KCNH8: variants seen among roughly 807,000 people sequenced by gnomAD.
KCNH8 encodes the protein potassium voltage-gated channel subfamily H member 8.
A neutral mutation model predicts 103.6 loss-of-function variants in KCNH8; 70 were observed. The observed-to-expected ratio is 0.68, with a 90% confidence interval of 0.56 to 0.82. KCNH8 has a LOEUF of 0.82. Ranked by LOEUF, KCNH8 falls within the 40% of genes least tolerant of loss-of-function variation. KCNH8 has a pLI of 0.00. For missense variants in KCNH8, 1,217 were observed against 1,329.9 expected (o/e 0.92, Z 1.32); for synonymous variants, 498 against 489.4 (o/e 1.02, Z -0.23).
chr3:19,504,966 GATATAT>G (rs147882746), intron 11 of KCNH8, among the ~76,000 whole-genome samples: 1 of 146,126 alleles, frequency 6.8e-6, no homozygotes, highest in Admixed American at 6.9e-5. Flanking sequence ...GAAAATGTGA[GATATAT>G]ATATATATAT....
intron 3 of KCNH8, among the ~76,000 whole-genome samples, chr3:19,311,461 G>A (rs1241371173): frequency 6.6e-6 from 1 of 150,886 alleles, no homozygotes; most frequent in Admixed American, 6.6e-5. Context: ...CCTTTTATTT[G>A]ACTTTTTTGC....
At chr3:19,211,781 G>A (rs1392092385) in intron 1 of KCNH8, among the ~76,000 whole-genome samples, 1 of 152,090 alleles carries the variant, frequency 6.6e-6, no homozygotes, top group African/African-American at 2.4e-5. Context: ...CTTATGGAAA[G>A]TCATGCTGGA....
At chr3:19,308,477 A>T (rs2065158822) in intron 3 of KCNH8, among the ~76,000 whole-genome samples, 1 of 151,932 alleles carries the variant, frequency 6.6e-6, no homozygotes, top group African/African-American at 2.4e-5. Flanking sequence ...CCATTCAAAA[A>T]AATAAAACTT....
At chr3:19,424,656 C>T (rs527555493) in intron 7 of KCNH8, among the ~76,000 whole-genome samples, 200 of 152,094 alleles carry the variant, frequency 1.3e-3, no homozygotes, top group African/African-American at 4.6e-3. Flanking sequence ...GAAGAGTAAA[C>T]CGATGACCCA....
Position 19,178,178 on chromosome 3 carries a change from TA to T in KCNH8, c.76+29393del, listed in dbSNP as rs559123028. Among the ~76,000 whole-genome samples, 22 of 151,106 alleles carry T rather than the reference TA, an allele frequency of 1.5e-4. 1 individual carries two copies. The South Asian group carries it at 1.9e-3, about 13-fold the overall frequency. On this transcript the variant is annotated intron_variant, in intron 1 of 15. Coordinates refer to ENST00000328405, the MANE Select transcript of KCNH8 (RefSeq NM_144633.3). ...AGATTTAGAATTGAGGCTTCTGAAA[TA>T]AAAAAAAAATTACTTATTTGTATTA... is the stretch of plus-strand genomic sequence containing the variant.
chr3:19,393,708 G>A (rs1374459779), intron 6 of KCNH8, among the ~76,000 whole-genome samples: 1 of 151,986 alleles, frequency 6.6e-6, no homozygotes, highest in Non-Finnish European at 1.5e-5. Context: ...TGAGAACTTA[G>A]CTATAAAGGA....
chr3:19,308,707 T>C lies in KCNH8; in HGVS notation c.442+27378T>C, dbSNP rs28670134. 1.6e-3 allele frequency among the ~76,000 whole-genome samples: 99 copies of C among 62,892 alleles called. 5 individuals are homozygous for C. The highest frequency in any genetic ancestry group is 3.7e-3 in the African/African-American group (42 of 11,212). 41.3% of individuals were successfully genotyped at this position (62,892 alleles called of 152,430 possible). A position where few individuals can be genotyped will look rare whatever the true frequency, so the allele number is the denominator to read the frequency against. On this transcript the variant is annotated intron_variant, in intron 3 of 15. Coordinates refer to ENST00000328405, the MANE Select transcript of KCNH8 (RefSeq NM_144633.3). ...CTCTCTCTCTCTCTCTCTCTCTCTC[T>C]CTCTCTCTCTCCCCCTCTCTCCCTC...
chr3:19,281,241 T>C lies in KCNH8; in HGVS notation c.354T>C (p.Asn118=), dbSNP rs769397768. The change falls in exon 3 of 16, where the codon AAT becomes AAC. Residue 118 remains asparagine, a synonymous_variant. Transcript: ENST00000328405. ...TACTGGATATTGTTCCCATAAAGAA[T>C]GAAAAAGGAGATGTAGTACTTTTTC... The part of the protein sequence containing the change: ...WCLLDIVPIK[N]EKGDVVLFLA... The C allele has an allele frequency of 2.5e-6, 4 of 1,611,212 alleles. No homozygotes were observed. Among genetic ancestry groups the C allele is most frequent in the Non-Finnish European group, 3.4e-6 (4 of 1,178,236 alleles).
chr3:19,456,433 AT>A (rs890323124), intron 10 of KCNH8, among the ~76,000 whole-genome samples: 9 of 152,088 alleles, frequency 5.9e-5, no homozygotes, highest in African/African-American at 1.9e-4. Context: ...ACAATAAAAA[AT>A]TTAAAAGTTA....
intron 1 of KCNH8, among the ~76,000 whole-genome samples, chr3:19,170,369 A>G (rs2063328798): frequency 6.6e-6 from 1 of 152,004 alleles, no homozygotes; most frequent in Non-Finnish European, 1.5e-5. Context: ...ACTTCAACTG[A>G]ATGTTCATTG....
At chr3:19,224,314 T>G (rs1438435262) in intron 1 of KCNH8, among the ~76,000 whole-genome samples, 1 of 152,152 alleles carries the variant, frequency 6.6e-6, no homozygotes, top group African/African-American at 2.4e-5. Flanking sequence ...TTTGGAGCAC[T>G]TGAAAATGTA....
intron 11 of KCNH8, among the ~76,000 whole-genome samples, chr3:19,498,359 G>C (rs903557731): frequency 6.6e-6 from 1 of 152,100 alleles, no homozygotes. Context: ...GTGTGTTTTT[G>C]TAGTGGCTGG....
chr3:19,237,036 T>G (rs1489724293), intron 1 of KCNH8, among the ~76,000 whole-genome samples: 5 of 152,228 alleles, frequency 3.3e-5, no homozygotes, highest in African/African-American at 1.2e-4. Context: ...GTAAATACAG[T>G]TCTTATGGCC....
chr3:19,475,969 G>GT (rs1299416708), intron 11 of KCNH8, among the ~76,000 whole-genome samples: 1 of 152,116 alleles, frequency 6.6e-6, no homozygotes, highest in Admixed American at 6.6e-5. Flanking sequence ...CAATACTGTA[G>GT]TATAAGAAGA....
intron 1 of KCNH8, among the ~76,000 whole-genome samples, chr3:19,172,199 T>C (rs970243047): frequency 6.6e-6 from 1 of 152,290 alleles, no homozygotes; most frequent in Admixed American, 6.5e-5. Context: ...TAGGTTGTCT[T>C]TGCAAAAAAA....
At chr3:19,308,651 T>C (rs1466294460) in intron 3 of KCNH8, among the ~76,000 whole-genome samples, 2 of 1,210 alleles carry the variant, frequency 1.7e-3, no homozygotes, top group Non-Finnish European at 4.7e-3. Flanking sequence ...AATGTTGGGG[T>C]CTCTCTCTCT....
intron 7 of KCNH8, among the ~76,000 whole-genome samples, chr3:19,420,682 A>G (rs1302714151): frequency 6.6e-6 from 1 of 152,218 alleles, no homozygotes; most frequent in African/African-American, 2.4e-5. Context: ...GTGACAGCAC[A>G]TGATTATAGC....
At chr3:19,367,487 A>ATATATATCATAATATATATATATC (rs2066029744) in intron 5 of KCNH8, among the ~76,000 whole-genome samples, 1 of 148,336 alleles carries the variant, frequency 6.7e-6, no homozygotes, top group African/African-American at 2.5e-5. Flanking sequence ...TATCAGAAAT[A>ATATATATCATAATATATATATATC]AACTTTGAGC....
At chr3:19,440,263 C>G (rs2067262749) in intron 8 of KCNH8, among the ~76,000 whole-genome samples, 1 of 151,880 alleles carries the variant, frequency 6.6e-6, no homozygotes, top group South Asian at 2.1e-4. Context: ...AGAGAACTAG[C>G]TAGATAGAGG....
Sources: allele counts gnomAD v4.1 joint callset (sites outside exome capture counted in the v4.1 genomes callset), GRCh38; gene constraint gnomAD v4.1.1; transcripts MANE v1.5; gene names NCBI Gene and HGNC (gene_info 2026-07-23, HGNC 2026-07-21).